Variants in ANKS1B observed in about 807,000 individuals in gnomAD.
ANKS1B encodes ankyrin repeat and sterile alpha motif domain containing 1B.
In ANKS1B, 36 loss-of-function variants were observed where a neutral mutation model predicts 148.3. The ratio of observed to expected loss-of-function variants is 0.24; its 90% CI spans 0.19 to 0.32. ANKS1B has a LOEUF of 0.32. ANKS1B is among the 10% of genes least tolerant of loss of function. ANKS1B has a pLI of 1.00. For synonymous variants in ANKS1B, 542 were observed against 560.8 expected (o/e 0.97, Z 0.47); for missense variants, 1,157 against 1,542.6 (o/e 0.75, Z 4.19).
At position 99,979,641 on chromosome 12, in the gene ANKS1B, T is replaced by C. The variant is rs113153275; in HGVS notation, c.134+4463A>G. ...AGGAATTTTTGCCAATACTAGGAAT[T>C]ACCAATGGCTCACTGCCAGAAACAA... On this transcript the variant is annotated intron_variant, in intron 1 of 26. Transcript: ENST00000683438. Among the ~76,000 whole-genome samples the C allele has an allele frequency of 4.2e-4, 64 of 152,194 alleles. 1 individual carries two copies. Among genetic ancestry groups the C allele is most frequent in the African/African-American group, 1.4e-3 (59 of 41,566 alleles).
chr12:99,626,138 AC>A (rs1410452313), intron 9 of ANKS1B, among the ~76,000 whole-genome samples: 1 of 152,176 alleles, frequency 6.6e-6, no homozygotes, highest in Admixed American at 6.6e-5. Context: ...CCTGAGAAAA[AC>A]AGGTTACATG....
chr12:99,017,546 T>G (rs576117889), intron 17 of ANKS1B, among the ~76,000 whole-genome samples: 1 of 152,236 alleles, frequency 6.6e-6, no homozygotes, highest in South Asian at 2.1e-4. Context: ...CATGACTCAA[T>G]TGATCCTATG....
chr12:99,044,936 G>A (rs1272118495), intron 17 of ANKS1B, among the ~76,000 whole-genome samples: 6 of 152,146 alleles, frequency 3.9e-5, no homozygotes, highest in Non-Finnish European at 8.8e-5. Context: ...AAGATTCAAA[G>A]TCAAGTGACC....
chr12:99,159,627 C>A (rs994146267), intron 14 of ANKS1B, among the ~76,000 whole-genome samples: 2 of 152,082 alleles, frequency 1.3e-5, no homozygotes, highest in Non-Finnish European at 2.9e-5. Flanking sequence ...ACCCAATTCA[C>A]CATTGATGAG....
intron 17 of ANKS1B, among the ~76,000 whole-genome samples, chr12:98,955,247 C>A (rs1170489905): frequency 6.6e-6 from 1 of 152,034 alleles, no homozygotes; most frequent in African/African-American, 2.4e-5. Context: ...GAGAAGACCA[C>A]CTTTGAGAAC....
chr12:99,513,672 T>A (rs2096788499), intron 9 of ANKS1B, among the ~76,000 whole-genome samples: 1 of 152,020 alleles, frequency 6.6e-6, no homozygotes, highest in Non-Finnish European at 1.5e-5. Flanking sequence ...TCATTCCCAA[T>A]AAATCCTCAA....
chr12:99,369,743 T>TAGAA (rs1555404894), intron 12 of ANKS1B, among the ~76,000 whole-genome samples: 5,432 of 134,220 alleles, frequency 0.04, 115 homozygotes, highest in African/African-American at 0.047. Flanking sequence ...GATAAATGGA[T>TAGAA]AGAAAGATAG....
chr12:99,828,906 C>T (rs1175855375), intron 1 of ANKS1B, among the ~76,000 whole-genome samples: 3 of 151,844 alleles, frequency 2.0e-5, no homozygotes, highest in Non-Finnish European at 4.4e-5. Context: ...TCGACTGAAC[C>T]CAGGAGGCGG....
Position 99,984,073 on chromosome 12 carries a change from T to C in ANKS1B, c.134+31A>G, listed in dbSNP as rs1396603355. 3 of 1,591,974 alleles carry C rather than the reference T, an allele frequency of 1.9e-6. No homozygotes were observed. In the Admixed American group the frequency reaches 5.1e-5, roughly 27 times the overall value. On this transcript the variant is annotated intron_variant, in intron 1 of 26. Coordinates refer to ENST00000683438, the MANE Select transcript of ANKS1B (RefSeq NM_001352186.2). ...ATCCATCACAATGCATAATGAGGTGTGCCAACCCCGGAGCTGGTGCCCGTC... is the reference window on the plus strand; with the variant it reads ...ATCCATCACAATGCATAATGAGGTGCGCCAACCCCGGAGCTGGTGCCCGTC...
At chr12:99,094,305 G>T (rs548031702) in intron 15 of ANKS1B, among the ~76,000 whole-genome samples, 1 of 152,120 alleles carries the variant, frequency 6.6e-6, no homozygotes, top group African/African-American at 2.4e-5. Context: ...TATTAGTAGG[G>T]ACTATTAAGC....
chr12:98,799,858 C>T (rs568137994), intron 21 of ANKS1B, among the ~76,000 whole-genome samples: 1 of 151,668 alleles, frequency 6.6e-6, no homozygotes, highest in Non-Finnish European at 1.5e-5. Flanking sequence ...TGCCCTCCCC[C>T]CACCAGCCCC....
chr12:99,060,968 T>C (rs538961177), intron 16 of ANKS1B, among the ~76,000 whole-genome samples: 1 of 152,276 alleles, frequency 6.6e-6, no homozygotes, highest in Admixed American at 6.5e-5. Flanking sequence ...GGCATGGTAT[T>C]TAGAACAAGA....
intron 17 of ANKS1B, among the ~76,000 whole-genome samples, chr12:98,963,250 G>A (rs1372622442): frequency 6.6e-6 from 1 of 151,350 alleles, no homozygotes; most frequent in African/African-American, 2.4e-5. Flanking sequence ...CATGATCTCA[G>A]CTCACTACAA....
intron 8 of ANKS1B, among the ~76,000 whole-genome samples, chr12:99,703,091 T>A (rs969791564): frequency 1.3e-4 from 20 of 152,234 alleles, no homozygotes; most frequent in African/African-American, 4.8e-4. Context: ...CCATCAAACA[T>A]CTAAGTTTTA....
intron 12 of ANKS1B, among the ~76,000 whole-genome samples, chr12:99,364,798 T>G (rs2092680410): frequency 6.6e-6 from 1 of 152,232 alleles, no homozygotes; most frequent in Non-Finnish European, 1.5e-5. Context: ...CATTACTGAT[T>G]GCATTGCTGA....
At chr12:99,928,918 A>G (rs988358835) in intron 1 of ANKS1B, among the ~76,000 whole-genome samples, 3 of 152,168 alleles carry the variant, frequency 2.0e-5, no homozygotes, top group African/African-American at 7.2e-5. Context: ...AACAGACTCT[A>G]TATAAGGCCA....
chr12:99,655,138 G>T lies in ANKS1B; in HGVS notation c.1201C>A (p.Pro401Thr), dbSNP rs1374120858. The change falls in exon 9 of 27, where the codon CCA becomes ACA. Residue 401 changes from proline to threonine, a missense_variant. This residue lies in a region of ANKS1B where 661 missense variants were observed against 642.1 expected (regional missense o/e 1.03). Transcript: ENST00000683438. ...EEDDDENTCG[P>T]SGLWEALTPC... is the part of the protein sequence containing the mutation. ...GTTAATGCTTCCCAAAGTCCTGATG[G>T]CCCACACGTATTTTCATCATCATCC... The T allele has an allele frequency of 7.4e-6, 12 of 1,612,572 alleles. No individual in the cohort carries two copies. In the East Asian group the frequency reaches 2.7e-4, roughly 36 times the overall value.
intron 9 of ANKS1B, among the ~76,000 whole-genome samples, chr12:99,631,474 G>A (rs1440051844): frequency 6.6e-6 from 1 of 152,188 alleles, no homozygotes; most frequent in African/African-American, 2.4e-5. Context: ...ACTAGGGAAA[G>A]TTTGGAAGTC....
intron 1 of ANKS1B, among the ~76,000 whole-genome samples, chr12:99,867,659 T>C (rs2090938936): frequency 6.6e-6 from 1 of 152,148 alleles, no homozygotes. Context: ...TCCCACCGGG[T>C]ACCTCACACA....
Sources: allele counts gnomAD v4.1 joint callset (sites outside exome capture counted in the v4.1 genomes callset), GRCh38; gene constraint gnomAD v4.1.1; regional missense constraint gnomAD v4.1.1; transcripts MANE v1.5; gene names NCBI Gene and HGNC (gene_info 2026-07-23, HGNC 2026-07-21).